ALDH1L2: variants seen among roughly 807,000 people sequenced by gnomAD.
The protein encoded by ALDH1L2 is aldehyde dehydrogenase 1 family member L2.
A neutral mutation model predicts 111.0 loss-of-function variants in ALDH1L2; 91 were observed. That is an observed-to-expected ratio of 0.82 (90% CI 0.69 to 0.98). ALDH1L2 has a LOEUF of 0.98. Ranked by LOEUF, ALDH1L2 falls within the 50% of genes least tolerant of loss-of-function variation. The pLI, the probability that ALDH1L2 is intolerant of heterozygous loss-of-function variation, is 0.00. For synonymous variants in ALDH1L2, 374 were observed against 392.6 expected (o/e 0.95, Z 0.56); for missense variants, 995 against 1,126.8 (o/e 0.88, Z 1.67).
intron 19 of ALDH1L2, among the ~76,000 whole-genome samples, chr12:105,033,402 C>T (rs1874814199): frequency 6.6e-6 from 1 of 152,178 alleles, no homozygotes; most frequent in South Asian, 2.1e-4. Context: ...CAGTGAGACA[C>T]AAAATTAAAT....
chr12:105,062,035 T>C (rs1477403863), intron 7 of ALDH1L2, among the ~76,000 whole-genome samples: 3 of 152,190 alleles, frequency 2.0e-5, no homozygotes, highest in Non-Finnish European at 4.4e-5. Flanking sequence ...TAGAATCTAT[T>C]ATGAAAATAA....
intron 1 of ALDH1L2, among the ~76,000 whole-genome samples, chr12:105,075,703 GAGA>G (rs994766758): frequency 6.6e-6 from 1 of 152,218 alleles, no homozygotes; most frequent in African/African-American, 2.4e-5. Flanking sequence ...TTCTAACACT[GAGA>G]AGTTTTCAGA....
intron 10 of ALDH1L2, among the ~76,000 whole-genome samples, chr12:105,057,374 AG>A (rs1308295244): frequency 1.3e-5 from 2 of 152,200 alleles, no homozygotes; most frequent in African/African-American, 4.8e-5. Flanking sequence ...AGTTAAACAT[AG>A]AGTTACCATA....
At chr12:105,039,267 G>A (rs1171214797) in intron 17 of ALDH1L2, among the ~76,000 whole-genome samples, 1 of 151,902 alleles carries the variant, frequency 6.6e-6, no homozygotes, top group African/African-American at 2.4e-5. Context: ...CCATTACATT[G>A]ACATATTTTA....
At chr12:105,033,102 G>A (rs7311995) in intron 19 of ALDH1L2, among the ~76,000 whole-genome samples, 34,494 of 152,114 alleles carry the variant, frequency 0.23, 5,414 homozygotes, top group East Asian at 0.5. Context: ...AGGCCTGGCC[G>A]TAATCTCTTA....
At chr12:105,078,043 T>C (rs1246562895) in intron 1 of ALDH1L2, among the ~76,000 whole-genome samples, 2 of 151,074 alleles carry the variant, frequency 1.3e-5, no homozygotes, top group African/African-American at 4.9e-5. Flanking sequence ...CCAACAAGCA[T>C]GTTTTCAGGC....
At chr12:105,069,590 C>A (rs537069383) in intron 3 of ALDH1L2, among the ~76,000 whole-genome samples, 2 of 152,318 alleles carry the variant, frequency 1.3e-5, no homozygotes, top group African/African-American at 4.8e-5. Flanking sequence ...GCAAATATGT[C>A]TACTAAATAA....
At chr12:105,038,377 T>C (rs954169706) in intron 17 of ALDH1L2, among the ~76,000 whole-genome samples, 175 bp from the exon 18 acceptor site, 2 of 151,542 alleles carry the variant, frequency 1.3e-5, no homozygotes, top group African/African-American at 4.9e-5. Flanking sequence ...GCCTCAGTAA[T>C]ATTAAGAAAC....
intron 7 of ALDH1L2, 142 bp from the exon 8 acceptor site, chr12:105,061,894 A>C: frequency 9.6e-7 from 1 of 1,041,326 alleles, no homozygotes; most frequent in Admixed American, 2.5e-5. Context: ...ATTCACCATT[A>C]TGTGTAAAAG....
intron 10 of ALDH1L2, among the ~76,000 whole-genome samples, chr12:105,056,100 G>C (rs1172418274): frequency 6.6e-6 from 1 of 151,752 alleles, no homozygotes; most frequent in Non-Finnish European, 1.5e-5. Context: ...AAATTCAAAG[G>C]CTCCACACCT....
At chr12:105,039,628 C>G in intron 17 of ALDH1L2, 85 bp downstream of exon 17, 4 of 1,045,748 alleles carry the variant, frequency 3.8e-6, no homozygotes, top group Non-Finnish European at 5.9e-6. Context: ...TGTAGTTTTT[C>G]TCACTCAAAA....
chr12:105,029,757 A>G (rs569168116), intron 21 of ALDH1L2, among the ~76,000 whole-genome samples: 2 of 152,066 alleles, frequency 1.3e-5, no homozygotes, highest in African/African-American at 2.4e-5. Context: ...GCAGTATACC[A>G]TGAGACCCCA....
rs558752500 is a variant in ALDH1L2 at position 105,023,055 on chromosome 12, A to G, written c.*1369T>C. ...CTCACCTGACTACTTCTGTCTGCCA[A>G]TGGGAAATGGGCTGTTAATAGTTTC... On this transcript the variant is annotated 3_prime_UTR_variant, in exon 23 of 23. Coordinates refer to ENST00000258494, the MANE Select transcript of ALDH1L2 (RefSeq NM_001034173.4). 5 of 150,586 alleles carry G rather than the reference A, an allele frequency of 3.3e-5. No homozygotes were observed. The highest frequency in any genetic ancestry group is 6.6e-5 in the Admixed American group (1 of 15,190). 9.3% of individuals were successfully genotyped at this position (150,586 alleles called of 1,614,324 possible).
At chr12:105,038,886 CA>C (rs1401406356) in intron 17 of ALDH1L2, among the ~76,000 whole-genome samples, 2 of 152,076 alleles carry the variant, frequency 1.3e-5, no homozygotes, top group Admixed American at 1.3e-4. Flanking sequence ...AAAAGCCTGG[CA>C]AAAGAATTAA....
intron 13 of ALDH1L2, chr12:105,048,538 T>C (rs1876057812): frequency 6.6e-6 from 1 of 152,246 alleles, no homozygotes; most frequent in South Asian, 2.1e-4. Context: ...CAATGACTGG[T>C]ACTGCAGTGG....
Position 105,049,987 on chromosome 12 carries a change from T to C in ALDH1L2, c.1607A>G (p.Tyr536Cys). The change falls in exon 13 of 23, where the codon TAT becomes TGT. Residue 536 changes from tyrosine (Y) to cysteine (C), a missense_variant. Coordinates refer to ENST00000258494, the MANE Select transcript of ALDH1L2 (RefSeq NM_001034173.4). The part of the protein sequence containing the change: ...TIEALDSGAV[Y>C]TLALKTHIGM... ...AATGTGTGTCTTCAGGGCCAAGGTA[T>C]AGACAGCCCCTGAATCAAGGGCTTC... 1.2e-6 allele frequency: 2 copies of C among 1,612,910 alleles called. No individual in the cohort carries two copies. Among genetic ancestry groups the C allele is most frequent in the Non-Finnish European group, 1.7e-6 (2 of 1,179,318 alleles).
At chr12:105,067,440 A>G (rs6539186) in intron 4 of ALDH1L2, among the ~76,000 whole-genome samples, 132,449 of 152,100 alleles carry the variant, frequency 0.87, 57,958 homozygotes, top group African/African-American at 0.94. Flanking sequence ...ATAAGTCTTT[A>G]TGAGTTATTT....
At chr12:105,047,405 C>T (rs1268408555) in intron 13 of ALDH1L2, 1 of 176,448 alleles carries the variant, frequency 5.7e-6, no homozygotes, top group Non-Finnish European at 1.2e-5. Flanking sequence ...GCTAACTCTA[C>T]TCTTTTATTC....
Position 105,050,030 on chromosome 12 carries a change from C to G in ALDH1L2, c.1564G>C (p.Glu522Gln), listed in dbSNP as rs1876154552. ...AGGGCTTCAATAGTTGCCAGCTCTT[C>G]TTGGTTCTCTTCCAGTAGGTCTGCA... The part of the protein sequence containing the change: ...RLADLLEENQ[E>Q]ELATIEALDS... Residue 522 changes from glutamate (E) to glutamine (Q), a missense_variant, in exon 13 of 23, where the codon GAA becomes CAA. Coordinates refer to ENST00000258494, the MANE Select transcript of ALDH1L2 (RefSeq NM_001034173.4). 6.2e-7 allele frequency: 1 copy of G among 1,606,076 alleles called. No homozygotes were observed. The highest frequency in any genetic ancestry group is 8.5e-7 in the Non-Finnish European group (1 of 1,176,442).
Sources: gnomAD v4.1 joint callset for allele counts (sites outside exome capture counted in the v4.1 genomes callset) on GRCh38, gnomAD v4.1.1 for gene constraint, MANE v1.5 for transcripts, NCBI Gene and HGNC (gene_info 2026-07-23, HGNC 2026-07-21) for gene names.